The following PI4K2A variants were observed in gnomAD, a reference collection of about 807,000 sequenced individuals.
PI4K2A encodes phosphatidylinositol 4-kinase type 2 alpha.
Under a neutral mutation model 55.0 loss-of-function variants are expected in PI4K2A, and 20 were observed. The observed-to-expected ratio is 0.36, with a 90% CI of 0.26 to 0.53. PI4K2A has a LOEUF of 0.53. Among genes scored for constraint, PI4K2A ranks in the 20% least tolerant of loss-of-function variants. PI4K2A has a pLI of 0.91. For missense variants in PI4K2A, 463 were observed against 637.1 expected (o/e 0.73, Z 2.94); for synonymous variants, 235 against 258.5 (o/e 0.91, Z 0.87).
chr10:97,659,901 G>A (rs1166774430), intron 4 of PI4K2A, among the ~76,000 whole-genome samples: 1 of 151,818 alleles, frequency 6.6e-6, no homozygotes, highest in Non-Finnish European at 1.5e-5. Context: ...ACAGATTTCT[G>A]TTGTTTCCTA....
In PI4K2A at chr10:97,656,879, G is replaced by A. The variant is rs759755540; in HGVS notation, c.827G>A (p.Arg276His). The A allele has an allele frequency of 2.2e-5, 36 of 1,614,028 alleles. No homozygotes were observed. Among genetic ancestry groups the A allele is most frequent in the South Asian group, 3.3e-5 (3 of 91,078 alleles). The change falls in exon 4 of 9, where the codon CGT (arginine) becomes CAT (histidine). Residue 276 changes from arginine to histidine, a missense_variant. Coordinates refer to ENST00000370631, the Ensembl canonical transcript of PI4K2A. The surrounding 1 kb of genome is among the most constrained non-coding windows in gnomAD (Gnocchi z 4.5). ...AAAGATGCAGACTATTGGCTGCGGC[G>A]TTTTGAAGCAGAACCTCTTCCTGAG...
At chr10:97,649,635 T>TTA in intron 1 of PI4K2A, among the ~76,000 whole-genome samples, 1 of 122,648 alleles carries the variant, frequency 8.2e-6, no homozygotes, top group Non-Finnish European at 1.6e-5. Flanking sequence ...TTTTTTTTTT[T>TTA]TTTTTGAGGC....
chr10:97,673,316 C>T (rs2041645798), intron 8 of PI4K2A, among the ~76,000 whole-genome samples: 1 of 152,106 alleles, frequency 6.6e-6, no homozygotes. Context: ...GAATTCTCCC[C>T]AACTCTGCGT....
At chr10:97,668,575 C>G (rs907515048) in intron 8 of PI4K2A, among the ~76,000 whole-genome samples, 1 of 151,900 alleles carries the variant, frequency 6.6e-6, no homozygotes. Context: ...GAGAACCTGT[C>G]TCAAGATAAT....
chr10:97,641,449 A>G (rs147259190), intron 1 of PI4K2A, among the ~76,000 whole-genome samples: 3 of 152,240 alleles, frequency 2.0e-5, no homozygotes, highest in African/African-American at 7.2e-5. Flanking sequence ...TGGTGGGGCA[A>G]TCCGCCGCTG....
intron 4 of PI4K2A, among the ~76,000 whole-genome samples, chr10:97,660,065 G>A (rs1332549678): frequency 2.0e-5 from 3 of 147,164 alleles, no homozygotes; most frequent in East Asian, 4.0e-4. Flanking sequence ...GCAGTGGCGC[G>A]ATCTCGGCTC....
At chr10:97,667,642 G>A (rs1379695124) in intron 8 of PI4K2A, among the ~76,000 whole-genome samples, 1 of 152,196 alleles carries the variant, frequency 6.6e-6, no homozygotes, top group Non-Finnish European at 1.5e-5. Context: ...AGCACTTAAT[G>A]TGCACTCATC....
Position 97,652,254 on chromosome 10 carries a change from G to A in PI4K2A, c.636+1113G>A, listed in dbSNP as rs147751904. On this transcript the variant is annotated intron_variant, in intron 2 of 8. Coordinates refer to ENST00000370631, the Ensembl canonical transcript of PI4K2A. ...TGCAGTCTATCTGTTGACACCCCAG[G>A]GAGCATGTCTCTAGATTAAAATCCC... 3.1e-4 allele frequency among the ~76,000 whole-genome samples: 47 copies of A among 152,038 alleles called. No individual in the cohort carries two copies. In the East Asian group the frequency reaches 9.1e-3, roughly 29 times the overall value.
At chr10:97,642,828 TTCCTTCCTTCCTTCCTTC>T (rs2041478737) in intron 1 of PI4K2A, among the ~76,000 whole-genome samples, 4 of 4,810 alleles carry the variant, frequency 8.3e-4, no homozygotes, top group South Asian at 0.011. Flanking sequence ...CCTTCCTTCC[TTCCTTCCTTCCTTCCTTC>T]CTTCCTTTCT....
At chr10:97,640,802 C>A in exon 1 of PI4K2A, 1 of 1,487,396 alleles carries the variant, frequency 6.7e-7, no homozygotes, top group Non-Finnish European at 9.0e-7. Context: ...ACTACACCTT[C>A]CCGTCGGGCT....
chr10:97,642,837 TCC>T (rs1564772222), intron 1 of PI4K2A, among the ~76,000 whole-genome samples: 297 of 4,768 alleles, frequency 0.062, 38 homozygotes, highest in Middle Eastern at 0.25. Flanking sequence ...CTTCCTTCCT[TCC>T]TTCCTTCCTT....
Position 97,656,536 on chromosome 10 carries a change from C to G in PI4K2A, c.768+120C>G. Reference sequence around the variant, plus strand: ...ACGTGAATAACCTGCCCTGAGGATCCTGTCTTCCTTATTTCTGTCAAGTGG... The same window carrying G: ...ACGTGAATAACCTGCCCTGAGGATCGTGTCTTCCTTATTTCTGTCAAGTGG... On this transcript the variant is annotated intron_variant, in intron 3 of 8. Coordinates refer to ENST00000370631, the Ensembl canonical transcript of PI4K2A. The surrounding 1 kb of genome is among the most constrained non-coding windows in gnomAD (Gnocchi z 4.5). 1 of 963,180 alleles carries G rather than the reference C, an allele frequency of 1.0e-6. No individual in the cohort carries two copies. Among genetic ancestry groups the G allele is most frequent in the Non-Finnish European group, 1.6e-6 (1 of 638,608 alleles). The allele number at this position is 963,180 out of a possible 1,614,324, so 59.7% of individuals were successfully genotyped here.
intron 2 of PI4K2A, among the ~76,000 whole-genome samples, chr10:97,655,900 C>T (rs1305401196): frequency 6.6e-6 from 1 of 152,092 alleles, no homozygotes; most frequent in Non-Finnish European, 1.5e-5. Context: ...GATTACATCT[C>T]AGACTCATGC....
exon 9 of PI4K2A, chr10:97,674,949 C>T (rs1241001280): frequency 6.5e-6 from 1 of 152,912 alleles, no homozygotes; most frequent in Non-Finnish European, 1.5e-5. Flanking sequence ...TCCTGCGCAG[C>T]TCAGTGCGTA....
rs1564774753 is a variant in PI4K2A, at chr10:97,656,114, CA to C, written c.637-168del. On this transcript the variant is annotated intron_variant, in intron 2 of 8. Coordinates refer to ENST00000370631, the Ensembl canonical transcript of PI4K2A. The surrounding 1 kb of genome is among the most constrained non-coding windows in gnomAD (Gnocchi z 4.5). ...TAATTTTGTCATTATTTCATTGGCCCAAACTAGTTATCTTCCCTCTCCTAGT... is the reference window on the plus strand; with the variant it reads ...TAATTTTGTCATTATTTCATTGGCCCAACTAGTTATCTTCCCTCTCCTAGT... 6.6e-6 allele frequency among the ~76,000 whole-genome samples: 1 copy of C among 152,162 alleles called. No individual in the cohort carries two copies. The highest frequency in any genetic ancestry group is 1.5e-5 in the Non-Finnish European group (1 of 68,030).
intron 1 of PI4K2A, among the ~76,000 whole-genome samples, chr10:97,648,490 G>A (rs1036668126): frequency 2.0e-5 from 3 of 152,158 alleles, no homozygotes; most frequent in African/African-American, 7.2e-5. Context: ...TGGGCTTATA[G>A]GCATGAGCCA....
chr10:97,663,283 T>C (rs1356528885), intron 5 of PI4K2A, among the ~76,000 whole-genome samples: 6 of 152,188 alleles, frequency 3.9e-5, no homozygotes, highest in Non-Finnish European at 5.9e-5. Context: ...AACAAACCTA[T>C]TTAAATTTGA....
chr10:97,645,511 G>A (rs1051727101), intron 1 of PI4K2A, among the ~76,000 whole-genome samples: 5 of 151,024 alleles, frequency 3.3e-5, no homozygotes, highest in Admixed American at 6.6e-5. Flanking sequence ...GGGAGGCTGA[G>A]GTAGGAGAAT....
At chr10:97,674,627 A>G (rs972032160) in exon 9 of PI4K2A, 3 of 152,122 alleles carry the variant, frequency 2.0e-5, no homozygotes, top group African/African-American at 7.2e-5. Flanking sequence ...CCTTGGTCCC[A>G]ATCTTCTCAT....
Sources: allele counts gnomAD v4.1 joint callset (sites outside exome capture counted in the v4.1 genomes callset), GRCh38; gene constraint gnomAD v4.1.1; non-coding constraint Gnocchi (gnomAD v3.1); transcripts MANE v1.5; gene names NCBI Gene and HGNC (gene_info 2026-07-23, HGNC 2026-07-21).